The following XXYLT1 variants were observed in gnomAD, a reference collection of about 807,000 sequenced individuals.
The protein encoded by XXYLT1 is xyloside xylosyltransferase 1, also known as UDP-xylose:alpha-xyloside alpha-1,3-xylosyltransferase.
Under a neutral mutation model 28.9 loss-of-function variants are expected in XXYLT1, and 20 were observed. That is an observed-to-expected ratio of 0.69 (90% CI 0.49 to 1.00). The LOEUF is 1.00. Ranked by LOEUF, XXYLT1 falls within the 50% of genes least tolerant of loss-of-function variation. The probability of loss-of-function intolerance (pLI) is 0.00; values close to 1 mark genes in which losing one functional copy is unlikely to be tolerated. For missense variants in XXYLT1, 542 were observed against 560.1 expected (o/e 0.97, Z 0.33); for synonymous variants, 257 against 253.8 (o/e 1.01, Z -0.12).
rs1274899438 is a variant in XXYLT1, at chr3:195,076,947, G to A, written c.786-6836C>T. On this transcript the variant is annotated intron_variant, in intron 3 of 3. Transcript: ENST00000310380. The surrounding 1 kb of genome is among the most constrained non-coding windows in gnomAD (Gnocchi z 5.3). ...ACAAAAGGTGACACTCAGAAGTGCTGGGGGCTAGGATTTCTGCAGAGGAAT... is the reference window on the plus strand; with the variant it reads ...ACAAAAGGTGACACTCAGAAGTGCTAGGGGCTAGGATTTCTGCAGAGGAAT... 3.3e-5 allele frequency among the ~76,000 whole-genome samples: 5 copies of A among 152,178 alleles called. No homozygotes were observed. The highest frequency in any genetic ancestry group is 1.2e-4 in the African/African-American group (5 of 41,426).
In XXYLT1 at chr3:195,208,101, C is replaced by G. The variant is rs76270071; in HGVS notation, c.652+18608G>C. On this transcript the variant is annotated intron_variant, in intron 2 of 3. Transcript: ENST00000310380. Reference sequence around the variant, plus strand: ...CCTACATCAAGGGACAGGGACCCACCAGGGCACGACTCCTAGGAGGCAGGG... The same window carrying G: ...CCTACATCAAGGGACAGGGACCCACGAGGGCACGACTCCTAGGAGGCAGGG... Among the ~76,000 whole-genome samples the G allele has an allele frequency of 3.4e-3, 519 of 152,296 alleles. 12 individuals are homozygous for G. In the East Asian group the frequency reaches 0.062, roughly 18 times the overall value.
At chr3:195,151,389 G>C (rs184836374) in intron 3 of XXYLT1, among the ~76,000 whole-genome samples, 39 of 152,188 alleles carry the variant, frequency 2.6e-4, no homozygotes, top group African/African-American at 9.4e-4. Flanking sequence ...AAATTAGTCA[G>C]GAGTGGTGGC....
intron 2 of XXYLT1, among the ~76,000 whole-genome samples, chr3:195,224,347 G>A (rs1181029427): frequency 2.0e-5 from 3 of 152,174 alleles, no homozygotes; most frequent in African/African-American, 7.2e-5. Context: ...TGCATCGACT[G>A]CAAAGCTCTA....
At position 195,120,238 on chromosome 3, in the gene XXYLT1, T is replaced by A. The variant is rs868355698; in HGVS notation, c.785+36211A>T. 4.6e-3 allele frequency among the ~76,000 whole-genome samples: 691 copies of A among 149,980 alleles called. 5 individuals are homozygous for A. Among genetic ancestry groups the A allele is most frequent in the African/African-American group, 0.016 (657 of 40,552 alleles). On this transcript the variant is annotated intron_variant, in intron 3 of 3. Transcript: ENST00000310380. ...TGACACAGTAGCTGCCCCATCCTCCTGGGGGTGCCCCTCCCAACCCCACCA... is the reference window on the plus strand; with the variant it reads ...TGACACAGTAGCTGCCCCATCCTCCAGGGGGTGCCCCTCCCAACCCCACCA...
intron 2 of XXYLT1, among the ~76,000 whole-genome samples, chr3:195,171,746 C>T (rs560801984): frequency 6.6e-6 from 1 of 152,312 alleles, no homozygotes; most frequent in South Asian, 2.1e-4. Context: ...GGTCTGGTTC[C>T]CAGAATGCCA....
intron 2 of XXYLT1, among the ~76,000 whole-genome samples, chr3:195,225,306 C>T (rs1220115913): frequency 6.6e-6 from 1 of 152,232 alleles, no homozygotes; most frequent in Non-Finnish European, 1.5e-5. Context: ...AAAGAGGACA[C>T]TCAGAGGCCT....
intron 2 of XXYLT1, among the ~76,000 whole-genome samples, chr3:195,220,826 G>A (rs1031997799): frequency 6.6e-5 from 10 of 152,188 alleles, no homozygotes; most frequent in African/African-American, 2.4e-4. Flanking sequence ...TCCAAGCAAG[G>A]GACATGTGAC....
intron 2 of XXYLT1, among the ~76,000 whole-genome samples, chr3:195,207,654 C>A (rs1294158246): frequency 1.3e-5 from 2 of 152,124 alleles, no homozygotes; most frequent in Non-Finnish European, 2.9e-5. Flanking sequence ...ACAAGTTAAC[C>A]CAAAACTTAG....
intron 2 of XXYLT1, among the ~76,000 whole-genome samples, chr3:195,202,144 T>G (rs1436607621): frequency 2.0e-5 from 3 of 152,148 alleles, no homozygotes; most frequent in African/African-American, 7.2e-5. Flanking sequence ...GCCACTGCAC[T>G]CCTGCCTGGG....
chr3:195,234,083 ATT>A (rs34281713), intron 1 of XXYLT1, among the ~76,000 whole-genome samples: 7 of 140,600 alleles, frequency 5.0e-5, no homozygotes, highest in Admixed American at 1.4e-4. Context: ...CGCCCAGCTA[ATT>A]TTTTTTTTTT....
intron 1 of XXYLT1, among the ~76,000 whole-genome samples, chr3:195,245,161 T>A (rs1443258058): frequency 4.6e-5 from 6 of 130,974 alleles, no homozygotes; most frequent in African/African-American, 1.2e-4. Context: ...CCAAGAAAAT[T>A]TTTTTTTTTT....
intron 2 of XXYLT1, chr3:195,184,602 A>G: frequency 6.1e-6 from 6 of 985,208 alleles, no homozygotes; most frequent in Non-Finnish European, 7.2e-6. Flanking sequence ...CCCCCAAGAA[A>G]CATTTAAGTC....
chr3:195,246,120 G>A (rs1264894809), intron 1 of XXYLT1, among the ~76,000 whole-genome samples: 1 of 152,144 alleles, frequency 6.6e-6, no homozygotes, highest in Non-Finnish European at 1.5e-5. Flanking sequence ...TTTACACCAG[G>A]TTTTTTCTTG....
chr3:195,139,315 C>T (rs1242586565), intron 3 of XXYLT1, among the ~76,000 whole-genome samples: 1 of 151,942 alleles, frequency 6.6e-6, no homozygotes, highest in African/African-American at 2.4e-5. Context: ...GAAAGTCGAG[C>T]AGAGAGTCTG....
At chr3:195,229,601 T>C (rs989515693) in intron 1 of XXYLT1, among the ~76,000 whole-genome samples, 1 of 152,236 alleles carries the variant, frequency 6.6e-6, no homozygotes, top group Non-Finnish European at 1.5e-5. Flanking sequence ...CGAGTTTAAC[T>C]GTTTTAATTT....
intron 3 of XXYLT1, among the ~76,000 whole-genome samples, chr3:195,117,761 G>A (rs1718124273): frequency 6.6e-6 from 1 of 152,166 alleles, no homozygotes; most frequent in Non-Finnish European, 1.5e-5. Context: ...GTGGGTAGCT[G>A]TCACTACAGG....
At chr3:195,123,260 T>C (rs1325629391) in intron 3 of XXYLT1, among the ~76,000 whole-genome samples, 2 of 151,668 alleles carry the variant, frequency 1.3e-5, no homozygotes, top group African/African-American at 2.4e-5. Flanking sequence ...CTATCCATCA[T>C]AGTGGACAAA....
chr3:195,212,285 A>T (rs1723355048), intron 2 of XXYLT1, among the ~76,000 whole-genome samples: 1 of 152,146 alleles, frequency 6.6e-6, no homozygotes, highest in Non-Finnish European at 1.5e-5. Flanking sequence ...ATCCGATGGG[A>T]TCGGATCCGA....
Position 195,168,984 on chromosome 3 carries a change from T to C in XXYLT1, c.653-12403A>G, listed in dbSNP as rs533170084. On this transcript the variant is annotated intron_variant, in intron 2 of 3. Coordinates refer to ENST00000310380, the MANE Select transcript of XXYLT1 (RefSeq NM_152531.5). This position sits in a 1 kb window ranked among gnomAD's most constrained non-coding sequence, Gnocchi z 4.3. ...TACCTACTTCTGGGAAACAAATCAC[T>C]CCAAAACCTAGTGGCTTAAAACAAC... Among the ~76,000 whole-genome samples, 1 of 152,292 alleles carries C rather than the reference T, an allele frequency of 6.6e-6. No homozygotes were observed. The highest frequency in any genetic ancestry group is 1.5e-5 in the Non-Finnish European group (1 of 68,014).
Sources: gnomAD v4.1 joint callset for allele counts (sites outside exome capture counted in the v4.1 genomes callset) on GRCh38, gnomAD v4.1.1 for gene constraint, Gnocchi (gnomAD v3.1) non-coding constraint, MANE v1.5 for transcripts, NCBI Gene and HGNC (gene_info 2026-07-23, HGNC 2026-07-21) for gene names.